Variants in SAFB observed in about 807,000 individuals in gnomAD.
SAFB encodes the protein scaffold attachment factor B1.
SAFB carries 15 observed loss-of-function variants against 101.6 expected under a neutral mutation model. The ratio of observed to expected loss-of-function variants is 0.15; its 90% CI spans 0.10 to 0.23. SAFB has a LOEUF of 0.23. SAFB is among the 10% of genes least tolerant of loss of function. The pLI, the probability that SAFB is intolerant of heterozygous loss-of-function variation, is 1.00. For synonymous variants in SAFB, 449 were observed against 407.5 expected, an observed-to-expected ratio of 1.10 and a Z score of -1.23; for missense variants, 930 against 1,104.1, an observed-to-expected ratio of 0.84 and a Z score of 2.23.
At chr19:5,661,268 C>G (rs1443811426) in intron 14 of SAFB, among the ~76,000 whole-genome samples, 2 of 152,154 alleles carry the variant, frequency 1.3e-5, no homozygotes, top group African/African-American at 4.8e-5. Flanking sequence ...TTGTCAAGCT[C>G]CAGGAAATGT....
In SAFB at chr19:5,642,045, A is replaced by G. The variant is rs1339511531; in HGVS notation, c.546+99A>G. The G allele has an allele frequency of 8.3e-6, 8 of 968,024 alleles. No individual in the cohort carries two copies. The East Asian group carries it at 2.0e-4, about 25-fold the overall frequency. 60.0% of individuals were successfully genotyped at this position (968,024 alleles called of 1,614,324 possible). A position where few individuals can be genotyped will look rare whatever the true frequency, so the allele number is the denominator to read the frequency against. ...CATATTGGGAAGTAAGTTGTTCTGT[A>G]ATGCCAGTTCAGTAGAATAAGGGTC... On this transcript the variant is annotated intron_variant, in intron 4 of 20. Coordinates refer to ENST00000588852, the MANE Select transcript of SAFB (RefSeq NM_001201338.2).
intron 15 of SAFB, among the ~76,000 whole-genome samples, chr19:5,662,131 T>C (rs1217497794): frequency 6.6e-6 from 1 of 152,058 alleles, no homozygotes; most frequent in Non-Finnish European, 1.5e-5. Context: ...GTGATCCACC[T>C]GCCTCGGCCT....
chr19:5,659,862 C>T (rs577845098), intron 14 of SAFB, among the ~76,000 whole-genome samples: 9 of 152,242 alleles, frequency 5.9e-5, no homozygotes, highest in African/African-American at 1.7e-4. Context: ...CCATATCTGG[C>T]GTAGAGGAAC....
At chr19:5,628,715 A>G (rs1232554437) in intron 2 of SAFB, among the ~76,000 whole-genome samples, 1 of 152,206 alleles carries the variant, frequency 6.6e-6, no homozygotes, top group Non-Finnish European at 1.5e-5. Context: ...TGTTTGGGGT[A>G]AGTGCTGGGA....
intron 15 of SAFB, 124 bp from the exon 16 acceptor site, chr19:5,663,898 G>A: frequency 2.8e-6 from 3 of 1,084,198 alleles, no homozygotes. Flanking sequence ...GCCTCCTATA[G>A]GAGAGAACAC....
chr19:5,625,911 C>A (rs554944585), intron 1 of SAFB, among the ~76,000 whole-genome samples: 48 of 152,274 alleles, frequency 3.2e-4, no homozygotes, highest in Middle Eastern at 3.4e-3. Flanking sequence ...CATTAGTATT[C>A]TGTCCACACA....
chr19:5,637,526 C>T (rs1022066739), intron 2 of SAFB, among the ~76,000 whole-genome samples: 2 of 149,828 alleles, frequency 1.3e-5, no homozygotes, highest in Admixed American at 1.3e-4. Context: ...CATGGTGGCA[C>T]GTGCCTGTAG....
intron 9 of SAFB, among the ~76,000 whole-genome samples, chr19:5,652,824 A>G (rs2053968964): frequency 6.6e-6 from 1 of 151,724 alleles, no homozygotes; most frequent in African/African-American, 2.4e-5. Flanking sequence ...TCATTTCTTC[A>G]CAAGTTTTAG....
rs1352195768 is a variant in SAFB, at chr19:5,659,651, A to G, written c.1863-1867A>G. Among the ~76,000 whole-genome samples, 2 of 151,916 alleles carry G rather than the reference A, an allele frequency of 1.3e-5. 1 individual carries two copies. Among genetic ancestry groups the G allele is most frequent in the Admixed American group, 1.3e-4 (2 of 15,250 alleles). On this transcript the variant is annotated intron_variant, in intron 14 of 20. Coordinates refer to ENST00000588852, the MANE Select transcript of SAFB (RefSeq NM_001201338.2). Reference sequence around the variant, plus strand: ...CCGCATCGGCCTCCCAAAGTGCTGGAATTACAGGCGTGAGCCACTGCGCCC... The same window carrying G: ...CCGCATCGGCCTCCCAAAGTGCTGGGATTACAGGCGTGAGCCACTGCGCCC...
In SAFB at chr19:5,661,558, G is replaced by A; in HGVS notation, c.1903G>A (p.Ala635Thr). 6.2e-7 allele frequency: 1 copy of A among 1,613,110 alleles called. No individual in the cohort carries two copies. The highest frequency in any genetic ancestry group is 8.5e-7 in the Non-Finnish European group (1 of 1,179,924). Residue 635 changes from alanine to threonine, a missense_variant, in exon 15 of 21, where the codon GCG (alanine) becomes ACG (threonine). This residue lies in a region of SAFB where 159 missense variants were observed against 234.1 expected (regional missense o/e 0.68). Transcript: ENST00000588852. ...CAGTGAACGCGAACAACGCATGCAG[G>A]CGCAGTGGGAGCGCGAGGAGCGTGA... The part of the protein sequence containing the change: ...ERSEREQRMQ[A>T]QWEREERERL...
intron 9 of SAFB, 46 bp downstream of exon 9, chr19:5,651,118 T>C: frequency 7.9e-7 from 1 of 1,265,878 alleles, no homozygotes; most frequent in Non-Finnish European, 1.1e-6. Context: ...AAACCAGCGT[T>C]GTGTGGCCTT....
At position 5,667,194 on chromosome 19, in the gene SAFB, C is replaced by T. The variant is rs2054348764; in HGVS notation, c.2453+30C>T. The T allele has an allele frequency of 6.5e-6, 3 of 459,552 alleles. No individual in the cohort carries two copies. Among genetic ancestry groups the T allele is most frequent in the Non-Finnish European group, 9.3e-6 (3 of 322,744 alleles). The allele number at this position is 459,552 out of a possible 1,614,324, so 28.5% of individuals were successfully genotyped here. A position where few individuals can be genotyped will look rare whatever the true frequency, so the allele number is the denominator to read the frequency against. On this transcript the variant is annotated intron_variant, in intron 18 of 20. Transcript: ENST00000588852. This position sits in a 1 kb window ranked among gnomAD's most constrained non-coding sequence, Gnocchi z 4.0. ...GTGTCCCACACCCGACAGTACCTGA[C>T]CCCCCCCCCGCCCACAAGGGGGCCC... is the stretch of plus-strand genomic sequence containing the variant.
At chr19:5,642,651 C>CTTT (rs767488519) in intron 4 of SAFB, among the ~76,000 whole-genome samples, 1,335 of 70,840 alleles carry the variant, frequency 0.019, 282 homozygotes, top group African/African-American at 0.041. Context: ...CCCTTCCTTT[C>CTTT]TTTTTTTTTT....
chr19:5,667,749 T>A lies in SAFB; in HGVS notation c.2558-71T>A. The A allele has an allele frequency of 2.0e-6, 3 of 1,495,736 alleles. No homozygotes were observed. The highest frequency in any genetic ancestry group is 2.8e-6 in the Non-Finnish European group (3 of 1,077,410). The allele number at this position is 1,495,736 out of a possible 1,614,324, so 92.7% of individuals were successfully genotyped here. On this transcript the variant is annotated intron_variant, in intron 19 of 20. Coordinates refer to ENST00000588852, the MANE Select transcript of SAFB (RefSeq NM_001201338.2). This position sits in a 1 kb window ranked among gnomAD's most constrained non-coding sequence, Gnocchi z 4.0. ...GGGGGCCTCACCAAAGGGAGTGGAG[T>A]GGGCTAAATGTGCCGTGGGTTCCAC... is the stretch of plus-strand genomic sequence containing the variant.
At chr19:5,637,140 C>T (rs1006661929) in intron 2 of SAFB, among the ~76,000 whole-genome samples, 2 of 150,180 alleles carry the variant, frequency 1.3e-5, no homozygotes, top group East Asian at 2.0e-4. Context: ...GTCAGGAGAT[C>T]GAGACCATCC....
chr19:5,652,350 G>A (rs949315832), intron 9 of SAFB, among the ~76,000 whole-genome samples: 2 of 152,184 alleles, frequency 1.3e-5, no homozygotes, highest in African/African-American at 2.4e-5. Flanking sequence ...GTCCCCCAGC[G>A]GGTGGGTGTG....
Position 5,668,201 on chromosome 19 carries a change from C to T in SAFB, c.2664C>T (p.His888=), listed in dbSNP as rs779135429. The T allele has an allele frequency of 5.6e-6, 9 of 1,607,492 alleles. No homozygotes were observed. Among genetic ancestry groups the T allele is most frequent in the Non-Finnish European group, 7.6e-6 (9 of 1,178,344 alleles). Reference sequence around the variant, plus strand: ...CCCCAGGCGGGGCCTCCCGGGGCCACCCCATCCCACACGGTGGCATGCAGG... The same window carrying T: ...CCCCAGGCGGGGCCTCCCGGGGCCATCCCATCCCACACGGTGGCATGCAGG... ...SFAPGGASRG[H]PIPHGGMQGG... The change falls in exon 21 of 21, where the codon CAC becomes CAT. Residue 888 remains histidine (H), a synonymous_variant. Coordinates refer to ENST00000588852, the MANE Select transcript of SAFB (RefSeq NM_001201338.2).
In SAFB at chr19:5,667,579, C is replaced by T; in HGVS notation, c.2557+129C>T. ...CAGTGCTGGAATGAGGAATGAAGAG[C>T]ACTCCAGACACCGCCTGCTCTCTGG... On this transcript the variant is annotated intron_variant, in intron 19 of 20. Coordinates refer to ENST00000588852, the MANE Select transcript of SAFB (RefSeq NM_001201338.2). The surrounding 1 kb of genome is among the most constrained non-coding windows in gnomAD (Gnocchi z 4.0). 1 of 731,652 alleles carries T rather than the reference C, an allele frequency of 1.4e-6. No homozygotes were observed. Among genetic ancestry groups the T allele is most frequent in the Non-Finnish European group, 2.3e-6 (1 of 437,772 alleles). 45.3% of individuals were successfully genotyped at this position (731,652 alleles called of 1,614,324 possible).
Position 5,637,973 on chromosome 19 carries a change from T to A in SAFB, c.275-3621T>A, listed in dbSNP as rs910586071. ...GCATGCCTATTCCTGACACCAGAAA[T>A]TTCATTTTTGCCATGCCTAATGACT... On this transcript the variant is annotated intron_variant, in intron 2 of 20. Coordinates refer to ENST00000588852, the MANE Select transcript of SAFB (RefSeq NM_001201338.2). 3.9e-5 allele frequency among the ~76,000 whole-genome samples: 6 copies of A among 152,356 alleles called. 1 individual carries two copies. The Middle Eastern group carries it at 0.02, about 518-fold the overall frequency.
Sources: allele counts gnomAD v4.1 joint callset (sites outside exome capture counted in the v4.1 genomes callset), GRCh38; gene constraint gnomAD v4.1.1; regional missense constraint gnomAD v4.1.1; non-coding constraint Gnocchi (gnomAD v3.1); transcripts MANE v1.5; gene names NCBI Gene and HGNC (gene_info 2026-07-23, HGNC 2026-07-21).